The following PLXNA2 variants were observed in gnomAD, a reference collection of about 807,000 sequenced individuals.
PLXNA2 encodes the protein plexin A2, also known as plexin-A2.
In PLXNA2, 91 loss-of-function variants were observed where a neutral mutation model predicts 193.5. That is an observed-to-expected ratio of 0.47 (90% CI 0.40 to 0.56). The LOEUF (loss-of-function observed/expected upper bound fraction) is 0.56. Among genes scored for constraint, PLXNA2 ranks in the 20% least tolerant of loss-of-function variants. PLXNA2 has a pLI of 0.00. For missense variants in PLXNA2, 1,995 were observed against 2,503.2 expected, an observed-to-expected ratio of 0.80 and a Z score of 4.33; for synonymous variants, 997 against 1,027.3, an observed-to-expected ratio of 0.97 and a Z score of 0.56.
intron 3 of PLXNA2, among the ~76,000 whole-genome samples, chr1:208,145,234 CTCCTCTGAAGGGAAAGTG>C (rs1364986587): frequency 2.0e-5 from 3 of 152,170 alleles, no homozygotes; most frequent in Non-Finnish European, 4.4e-5. Context: ...AACTGTGCCC[CTCCTCTGAAGGGAAAGTG>C]TCCCAGTGCT....
At position 208,217,192 on chromosome 1, in the gene PLXNA2, A is replaced by G; in HGVS notation, c.731T>C (p.Ile244Thr). The G allele has an allele frequency of 6.2e-7, 1 of 1,614,212 alleles. No individual in the cohort carries two copies. The highest frequency in any genetic ancestry group is 8.5e-7 in the Non-Finnish European group (1 of 1,180,040). ...ALVSHFDIFYIYGFASGGFVY... is the reference protein window; with the variant it reads ...ALVSHFDIFYTYGFASGGFVY... ...AAAGCCCCCACTAGCAAAGCCGTAG[A>G]TGTAGAAGATGTCAAAGTGGGAGAC... The change falls in exon 2 of 32, where the codon ATC becomes ACC. Residue 244 changes from isoleucine to threonine, a missense_variant. This residue lies in a region of PLXNA2 where 702 missense variants were observed against 812.9 expected (regional missense o/e 0.86). Transcript: ENST00000367033. This position sits in a 1 kb window ranked among gnomAD's most constrained non-coding sequence, Gnocchi z 4.7.
At chr1:208,065,361 G>C (rs779437474) in intron 12 of PLXNA2, among the ~76,000 whole-genome samples, 14 of 152,182 alleles carry the variant, frequency 9.2e-5, no homozygotes, top group Non-Finnish European at 1.8e-4. Flanking sequence ...TTAAATACCA[G>C]CTCTGACACC....
At chr1:208,212,507 T>C (rs1314480276) in intron 2 of PLXNA2, among the ~76,000 whole-genome samples, 1 of 152,078 alleles carries the variant, frequency 6.6e-6, no homozygotes, top group East Asian at 1.9e-4. Context: ...AAGGAATGAG[T>C]TTCTCAGGAA....
chr1:208,031,088 T>C (rs1289756973), intron 29 of PLXNA2: 7 of 994,934 alleles, frequency 7.0e-6, no homozygotes, highest in East Asian at 2.2e-4. Flanking sequence ...GGCTCAAGTC[T>C]ATAGCAGGTG....
At chr1:208,089,710 T>C (rs1057374580) in intron 9 of PLXNA2, among the ~76,000 whole-genome samples, 1 of 152,194 alleles carries the variant, frequency 6.6e-6, no homozygotes, top group African/African-American at 2.4e-5. Context: ...TAATCAGTTA[T>C]ATATTGTTTC....
At chr1:208,060,968 GAGT>G in intron 12 of PLXNA2, 131 bp from the exon 13 acceptor site, 6 of 703,232 alleles carry the variant, frequency 8.5e-6, no homozygotes, top group Non-Finnish European at 1.4e-5. Flanking sequence ...GAATTCTGGT[GAGT>G]GAGTGCGTTT....
chr1:208,237,820 C>A (rs2102648988), intron 1 of PLXNA2, among the ~76,000 whole-genome samples: 1 of 152,308 alleles, frequency 6.6e-6, no homozygotes, highest in East Asian at 1.9e-4. Flanking sequence ...CTTGGCTATG[C>A]AATTTCTTCC....
chr1:208,130,121 G>T (rs1457291365), intron 4 of PLXNA2, among the ~76,000 whole-genome samples: 2 of 152,168 alleles, frequency 1.3e-5, no homozygotes, highest in African/African-American at 4.8e-5. Flanking sequence ...ACAAGGTGAG[G>T]TGAGGGAGGT....
chr1:208,119,920 G>C (rs1014691080), intron 4 of PLXNA2, among the ~76,000 whole-genome samples: 1 of 152,186 alleles, frequency 6.6e-6, no homozygotes, highest in East Asian at 1.9e-4. Context: ...GGCCTTCTCC[G>C]GAACTTTCTA....
chr1:208,065,882 C>T (rs1571878386), intron 12 of PLXNA2, among the ~76,000 whole-genome samples: 1 of 152,186 alleles, frequency 6.6e-6, no homozygotes, highest in East Asian at 1.9e-4. Flanking sequence ...TTATTCTTTC[C>T]TCCCTCCCTT....
At chr1:208,047,986 G>A (rs1351138654) in intron 17 of PLXNA2, among the ~76,000 whole-genome samples, 2 of 152,148 alleles carry the variant, frequency 1.3e-5, no homozygotes, top group Non-Finnish European at 2.9e-5. Context: ...TGGGGAGGTT[G>A]AGGGGTGTGG....
chr1:208,097,783 G>T (rs1016769727), intron 6 of PLXNA2, among the ~76,000 whole-genome samples: 1 of 151,956 alleles, frequency 6.6e-6, no homozygotes, highest in Non-Finnish European at 1.5e-5. Flanking sequence ...TGCCCATGAG[G>T]TGTGCCCATA....
chr1:208,032,260 G>C (rs752152708), intron 28 of PLXNA2: 53 of 448,326 alleles, frequency 1.2e-4, no homozygotes, highest in Non-Finnish European at 1.5e-4. Flanking sequence ...GAAGGGTCTA[G>C]ACTCAAGAAC....
At position 208,175,257 on chromosome 1, in the gene PLXNA2, A is replaced by C. The variant is rs557226575; in HGVS notation, c.1372-32794T>G. On this transcript the variant is annotated intron_variant, in intron 3 of 31. Coordinates refer to ENST00000367033, the MANE Select transcript of PLXNA2 (RefSeq NM_025179.4). Reference sequence around the variant, plus strand: ...AAGGGTGGAGGGGGAGAGGGCAGGGATGTGATAAGAACAAAGCGTGAGTCT... The same window carrying C: ...AAGGGTGGAGGGGGAGAGGGCAGGGCTGTGATAAGAACAAAGCGTGAGTCT... Among the ~76,000 whole-genome samples the C allele has an allele frequency of 5.3e-5, 8 of 152,288 alleles. No individual in the cohort carries two copies. In the East Asian group the frequency reaches 1.4e-3, roughly 26 times the overall value.
At position 208,054,486 on chromosome 1, in the gene PLXNA2, G is replaced by T. The variant is rs148647105; in HGVS notation, c.2791C>A (p.Arg931Ser). Residue 931 changes from arginine (R) to serine (S), a missense_variant, in exon 14 of 32, where the codon CGC becomes AGC. Coordinates refer to ENST00000367033, the MANE Select transcript of PLXNA2 (RefSeq NM_025179.4). ...ALVGTTSGPV[R>S]LCIGECKPEF... is the part of the protein sequence containing the mutation. ...GGCTTACACTCGCCAATACACAGGCGTACTGGCCCGGAGGTGGTTCCCACG... is the reference window on the plus strand; with the variant it reads ...GGCTTACACTCGCCAATACACAGGCTTACTGGCCCGGAGGTGGTTCCCACG... The T allele has an allele frequency of 1.9e-6, 3 of 1,614,104 alleles. No homozygotes were observed. The highest frequency in any genetic ancestry group is 2.2e-5 in the South Asian group (2 of 91,092).
chr1:208,030,733 C>T, intron 29 of PLXNA2: 1 of 985,464 alleles, frequency 1.0e-6, no homozygotes, highest in Non-Finnish European at 1.2e-6. Context: ...CTCCAGACAG[C>T]TGCGTGGGCT....
At chr1:208,118,903 G>A (rs1427302019) in intron 4 of PLXNA2, among the ~76,000 whole-genome samples, 1 of 152,180 alleles carries the variant, frequency 6.6e-6, no homozygotes, top group African/African-American at 2.4e-5. Flanking sequence ...GTAATTAGGT[G>A]CTCACTGAAC....
chr1:208,218,195 T>C, intron 1 of PLXNA2, 193 bp from the exon 2 acceptor site: 1 of 578,574 alleles, frequency 1.7e-6, no homozygotes, highest in Non-Finnish European at 3.1e-6. Context: ...TTTTGGTCTC[T>C]AGCCTTTATG....
chr1:208,104,520 G>A (rs1029292150), intron 4 of PLXNA2, among the ~76,000 whole-genome samples: 32 of 152,292 alleles, frequency 2.1e-4, no homozygotes, highest in East Asian at 1.3e-3. Context: ...GGAACTTAGC[G>A]AAGAGGTGAC....
Sources: gnomAD v4.1 joint callset for allele counts (sites outside exome capture counted in the v4.1 genomes callset) on GRCh38, gnomAD v4.1.1 for gene constraint, gnomAD v4.1.1 regional missense constraint, Gnocchi (gnomAD v3.1) non-coding constraint, MANE v1.5 for transcripts, NCBI Gene and HGNC (gene_info 2026-07-23, HGNC 2026-07-21) for gene names.